Variants in ST7 observed in about 807,000 individuals in gnomAD.
ST7 encodes the protein suppressor of tumorigenicity 7 protein.
In ST7, 28 loss-of-function variants were observed where a neutral mutation model predicts 78.7. That is an observed-to-expected ratio of 0.36 (90% CI 0.26 to 0.49). ST7 has a LOEUF of 0.49. ST7 is among the 20% of genes least tolerant of loss of function. The pLI is 0.99. For synonymous variants in ST7, 247 were observed against 249.6 expected, an observed-to-expected ratio of 0.99 and a Z score of 0.10; for missense variants, 418 against 696.0, an observed-to-expected ratio of 0.60 and a Z score of 4.49.
At chr7:117,118,548 GGGTAAAGGTAATTCTATGTTAA>G (rs1803094025) in intron 2 of ST7, 1 of 152,174 alleles carries the variant, frequency 6.6e-6, no homozygotes, top group African/African-American at 2.4e-5. Context: ...GAATAAGTAA[GGGTAAAGGTAATTCTATGTTAA>G]TTGCACATTT....
At chr7:117,083,213 C>T (rs1008990425) in intron 1 of ST7, among the ~76,000 whole-genome samples, 1 of 151,932 alleles carries the variant, frequency 6.6e-6, no homozygotes, top group Non-Finnish European at 1.5e-5. Context: ...GCACCCACAA[C>T]CACACCTGGC....
intron 1 of ST7, among the ~76,000 whole-genome samples, chr7:117,023,816 G>A (rs866341953): frequency 3.4e-4 from 51 of 151,962 alleles, no homozygotes; most frequent in African/African-American, 1.2e-3. Flanking sequence ...GTGTGTGTGT[G>A]TGTGTGACGG....
At chr7:117,057,793 A>G (rs1798138627) in intron 1 of ST7, among the ~76,000 whole-genome samples, 3 of 152,230 alleles carry the variant, frequency 2.0e-5, no homozygotes, top group African/African-American at 4.8e-5. Context: ...TATGTAGTAT[A>G]TGAACATGGG....
At chr7:117,218,553 C>T (rs1792864129) in intron 13 of ST7, among the ~76,000 whole-genome samples, 1 of 152,178 alleles carries the variant, frequency 6.6e-6, no homozygotes, top group African/African-American at 2.4e-5. Flanking sequence ...TTAGAAACAC[C>T]TCCCGAGTTA....
chr7:117,188,699 T>C (rs1053266823), intron 10 of ST7, among the ~76,000 whole-genome samples: 8 of 152,174 alleles, frequency 5.3e-5, no homozygotes, highest in Admixed American at 3.9e-4. Flanking sequence ...GCAAAAATTG[T>C]GTAGTTTTCT....
intron 9 of ST7, among the ~76,000 whole-genome samples, chr7:117,141,058 T>C (rs908783932): frequency 6.6e-6 from 1 of 152,192 alleles, no homozygotes; most frequent in Non-Finnish European, 1.5e-5. Flanking sequence ...CCTGAGAGAT[T>C]CACTCCTTTA....
intron 10 of ST7, among the ~76,000 whole-genome samples, chr7:117,174,385 G>A (rs1454566264): frequency 6.6e-6 from 1 of 152,180 alleles, no homozygotes; most frequent in Non-Finnish European, 1.5e-5. Flanking sequence ...ATATTTGGTA[G>A]ATACTGTTGT....
At chr7:117,210,112 T>C (rs556067011) in intron 13 of ST7, among the ~76,000 whole-genome samples, 175 bp downstream of exon 13, 9 of 152,270 alleles carry the variant, frequency 5.9e-5, no homozygotes, top group Non-Finnish European at 1.3e-4. Flanking sequence ...TGGTGGTGGG[T>C]ATTCCTGTGG....
intron 1 of ST7, among the ~76,000 whole-genome samples, chr7:116,995,986 A>G (rs1794632525): frequency 6.6e-6 from 1 of 151,966 alleles, no homozygotes; most frequent in Non-Finnish European, 1.5e-5. Flanking sequence ...GTGACTTTAT[A>G]GGATTAGACT....
intron 1 of ST7, among the ~76,000 whole-genome samples, chr7:117,048,226 A>G (rs1797592786): frequency 6.6e-6 from 1 of 152,084 alleles, no homozygotes; most frequent in African/African-American, 2.4e-5. Flanking sequence ...AGGAGGTGAA[A>G]GGGGAGGCAG....
intron 1 of ST7, among the ~76,000 whole-genome samples, chr7:116,955,370 T>G (rs1209366431): frequency 6.6e-6 from 1 of 152,172 alleles, no homozygotes; most frequent in Admixed American, 6.5e-5. Context: ...GACTGGCATG[T>G]GGGGAGGTCC....
At chr7:117,114,451 G>A (rs1485589278) in intron 2 of ST7, among the ~76,000 whole-genome samples, 3 of 151,456 alleles carry the variant, frequency 2.0e-5, no homozygotes, top group Non-Finnish European at 4.4e-5. Context: ...TGAAGACTTG[G>A]AGCAGGTGTT....
chr7:117,079,187 T>A (rs1471225148), intron 1 of ST7, among the ~76,000 whole-genome samples: 1 of 152,210 alleles, frequency 6.6e-6, no homozygotes, highest in Non-Finnish European at 1.5e-5. Flanking sequence ...GTAAATGCTA[T>A]TTATGTAGCA....
intron 10 of ST7, among the ~76,000 whole-genome samples, chr7:117,181,790 A>G (rs1808791830): frequency 6.6e-6 from 1 of 152,192 alleles, no homozygotes. Flanking sequence ...CAGATGAGAT[A>G]GTGGATATGA....
chr7:117,108,143 C>T (rs1019918980), intron 2 of ST7, among the ~76,000 whole-genome samples: 3 of 151,872 alleles, frequency 2.0e-5, no homozygotes, highest in Admixed American at 6.6e-5. Context: ...CTTTTGGGTT[C>T]TTGTTCATGA....
At chr7:117,085,195 A>T (rs1800047617) in intron 1 of ST7, among the ~76,000 whole-genome samples, 1 of 152,206 alleles carries the variant, frequency 6.6e-6, no homozygotes, top group South Asian at 2.1e-4. Context: ...TATTAAAAAC[A>T]TACTCTCCCC....
At chr7:117,225,937 C>G (rs1464304660) in intron 15 of ST7, among the ~76,000 whole-genome samples, 1 of 152,192 alleles carries the variant, frequency 6.6e-6, no homozygotes, top group African/African-American at 2.4e-5. Context: ...TGTTTAGTTA[C>G]AAAGATAAGC....
intron 1 of ST7, chr7:117,072,700 CTT>C (rs2116526779): frequency 6.6e-6 from 1 of 152,316 alleles, no homozygotes; most frequent in Non-Finnish European, 1.5e-5. Flanking sequence ...CTATTCTGGG[CTT>C]TAGAGCCAGA....
chr7:117,194,184 CTCA>C (rs1012667850), intron 12 of ST7, among the ~76,000 whole-genome samples: 1 of 152,174 alleles, frequency 6.6e-6, no homozygotes, highest in Non-Finnish European at 1.5e-5. Flanking sequence ...AACACATAGG[CTCA>C]TCATTACCAA....
Sources: allele counts gnomAD v4.1 joint callset (sites outside exome capture counted in the v4.1 genomes callset), GRCh38; gene constraint gnomAD v4.1.1; transcripts MANE v1.5; gene names NCBI Gene and HGNC (gene_info 2026-07-23, HGNC 2026-07-21).